Variants in MCTP1 observed in about 807,000 individuals in gnomAD.
MCTP1 encodes multiple C2 and transmembrane domain-containing protein 1.
MCTP1 carries 69 observed loss-of-function variants against 120.6 expected under a neutral mutation model. The observed-to-expected ratio is 0.57, with a 90% CI of 0.47 to 0.70. MCTP1 has a LOEUF of 0.70. Among genes scored for constraint, MCTP1 ranks in the 30% least tolerant of loss-of-function variants. The pLI, the probability that MCTP1 is intolerant of heterozygous loss-of-function variation, is 0.00. For synonymous variants in MCTP1, 529 were observed against 493.1 expected (o/e 1.07, Z -0.96); for missense variants, 1,203 against 1,248.8 (o/e 0.96, Z 0.55).
intron 1 of MCTP1, among the ~76,000 whole-genome samples, chr5:95,218,369 G>A (rs75994076): frequency 0.013 from 1,939 of 152,202 alleles, 46 homozygotes; most frequent in African/African-American, 0.043. Context: ...GAGTGAGTGA[G>A]GCTATTTGAT....
intron 1 of MCTP1, chr5:95,081,531 C>T (rs1437567084): frequency 1.3e-6 from 2 of 1,576,604 alleles, no homozygotes; most frequent in African/African-American, 1.4e-5. Context: ...GAGAGAACTG[C>T]ATATTTAGAC....
intron 17 of MCTP1, among the ~76,000 whole-genome samples, chr5:94,840,406 C>A (rs183027966): frequency 8.1e-4 from 124 of 152,262 alleles, no homozygotes; most frequent in African/African-American, 2.9e-3. Context: ...ATAGTAGGGG[C>A]CTGGGAAGAT....
At chr5:94,866,607 C>A (rs1417467843) in intron 17 of MCTP1, among the ~76,000 whole-genome samples, 1 of 149,564 alleles carries the variant, frequency 6.7e-6, no homozygotes, top group Admixed American at 6.7e-5. Flanking sequence ...CTGAATCCAT[C>A]AGACACTGAC....
chr5:95,021,936 A>T (rs771939223), intron 1 of MCTP1, among the ~76,000 whole-genome samples: 1 of 152,094 alleles, frequency 6.6e-6, no homozygotes, highest in Non-Finnish European at 1.5e-5. Context: ...CTTGTGCTTT[A>T]AAAAAAGCAC....
At chr5:95,026,963 C>T (rs530137893) in intron 1 of MCTP1, among the ~76,000 whole-genome samples, 43 of 152,312 alleles carry the variant, frequency 2.8e-4, no homozygotes, top group African/African-American at 1.0e-3. Flanking sequence ...CTTTCTATGA[C>T]ACTGAAAACA....
intron 17 of MCTP1, among the ~76,000 whole-genome samples, chr5:94,824,096 TGA>T (rs1786351313): frequency 6.6e-6 from 1 of 152,322 alleles, no homozygotes; most frequent in South Asian, 2.1e-4. Flanking sequence ...ATAGGAATGG[TGA>T]GAGAGGGCAT....
In MCTP1 at chr5:94,826,606, G is replaced by C. The variant is rs560293388; in HGVS notation, c.2437-27474C>G. 1.2e-5 allele frequency: 9 copies of C among 769,438 alleles called. No homozygotes were observed. In the African/African-American group the frequency reaches 1.5e-4, roughly 13 times the overall value. The allele number at this position is 769,438 out of a possible 1,614,324, so 47.7% of individuals were successfully genotyped here. A position where few individuals can be genotyped will look rare whatever the true frequency, so the allele number is the denominator to read the frequency against. On this transcript the variant is annotated intron_variant, in intron 17 of 22. Coordinates refer to ENST00000515393, the MANE Select transcript of MCTP1 (RefSeq NM_024717.7). ...GGGCAAACTTCTTTCTCAGGCTCTT[G>C]ATCTTCAGCTCTGCAAAATTCCTTC...
In MCTP1 at chr5:94,871,409, T is replaced by G; in HGVS notation, c.2045A>C (p.Lys682Thr). ...CACTTCAAGAACTGAATGGATATCT[T>G]TAATGTTGCTGCATAATAAATATAT... ...EWNKVFTFNI[K>T]DIHSVLEVTV... The change falls in exon 14 of 23, where the codon AAA becomes ACA. Residue 682 changes from lysine (K) to threonine (T), a missense_variant. Transcript: ENST00000515393. The G allele has an allele frequency of 3.1e-6, 5 of 1,600,076 alleles. No individual in the cohort carries two copies. Among genetic ancestry groups the G allele is most frequent in the Non-Finnish European group, 4.3e-6 (5 of 1,167,622 alleles).
chr5:94,990,474 C>T (rs1235596262), intron 2 of MCTP1, among the ~76,000 whole-genome samples: 1 of 152,160 alleles, frequency 6.6e-6, no homozygotes, highest in Non-Finnish European at 1.5e-5. Flanking sequence ...TCATTCTTCT[C>T]CATTGGCAAT....
Position 94,909,223 on chromosome 5 carries a change from T to G in MCTP1, c.1652+28A>C, listed in dbSNP as rs368078143. The G allele has an allele frequency of 6.0e-5, 97 of 1,610,442 alleles. 1 individual carries two copies. In the African/African-American group the frequency reaches 1.2e-3, roughly 20 times the overall value. ...TCTTTTAATAAAAATGCTCTAGGAG[T>G]GAACCAAAAATTACAAATTGCACAA... On this transcript the variant is annotated intron_variant, in intron 10 of 22. Coordinates refer to ENST00000515393, the MANE Select transcript of MCTP1 (RefSeq NM_024717.7).
intron 2 of MCTP1, among the ~76,000 whole-genome samples, chr5:94,954,103 C>CAAAT (rs1426923458): frequency 9.2e-5 from 4 of 43,280 alleles, no homozygotes; most frequent in African/African-American, 4.3e-4. Flanking sequence ...CATATATATA[C>CAAAT]ATATATATGA....
chr5:95,127,186 G>A (rs1171507799), intron 1 of MCTP1, among the ~76,000 whole-genome samples: 1 of 151,882 alleles, frequency 6.6e-6, no homozygotes, highest in Non-Finnish European at 1.5e-5. Flanking sequence ...TCCGTGACCA[G>A]AGAAACCAGC....
intron 1 of MCTP1, among the ~76,000 whole-genome samples, chr5:95,209,231 C>T (rs993993526): frequency 2.0e-5 from 3 of 152,116 alleles, no homozygotes; most frequent in South Asian, 2.1e-4. Flanking sequence ...AAAGTTTTGC[C>T]GCCTCCTCTT....
At chr5:95,006,246 CACACACAT>C (rs1462971650) in intron 2 of MCTP1, among the ~76,000 whole-genome samples, 10 of 151,804 alleles carry the variant, frequency 6.6e-5, no homozygotes, top group African/African-American at 1.7e-4. Context: ...TATGTATATA[CACACACAT>C]ACACACATAC....
intron 12 of MCTP1, among the ~76,000 whole-genome samples, chr5:94,876,755 G>A (rs903849829): frequency 2.0e-5 from 3 of 152,016 alleles, no homozygotes; most frequent in African/African-American, 7.2e-5. Flanking sequence ...GAGGGCAGGG[G>A]CTGTGGGATT....
At chr5:94,732,001 C>T (rs1763206793) in intron 19 of MCTP1, among the ~76,000 whole-genome samples, 1 of 152,178 alleles carries the variant, frequency 6.6e-6, no homozygotes, top group African/African-American at 2.4e-5. Context: ...GGTAGCATTA[C>T]TCCTGTAAGG....
At chr5:94,820,932 T>G (rs558430243) in intron 17 of MCTP1, among the ~76,000 whole-genome samples, 11 of 152,330 alleles carry the variant, frequency 7.2e-5, no homozygotes, top group African/African-American at 2.6e-4. Context: ...CTTTTCATAC[T>G]TGAGTAATAA....
intron 18 of MCTP1, among the ~76,000 whole-genome samples, chr5:94,797,414 G>T (rs1315256215): frequency 1.3e-5 from 2 of 152,008 alleles, no homozygotes; most frequent in Admixed American, 6.6e-5. Context: ...CTCTAAAATC[G>T]CCATGAAGTA....
chr5:94,873,084 A>G (rs1411619855), intron 13 of MCTP1, 55 bp downstream of exon 13: 5 of 1,050,946 alleles, frequency 4.8e-6, no homozygotes, highest in Non-Finnish European at 5.9e-6. Context: ...ACCCTCAAAA[A>G]TAAATCAAAT....
Sources: gnomAD v4.1 joint callset for allele counts (sites outside exome capture counted in the v4.1 genomes callset) on GRCh38, gnomAD v4.1.1 for gene constraint, MANE v1.5 for transcripts, NCBI Gene and HGNC (gene_info 2026-07-23, HGNC 2026-07-21) for gene names.